Variants in TUBGCP2 observed in about 807,000 individuals in gnomAD.
TUBGCP2 encodes the protein gamma-tubulin complex component 2.
Under a neutral mutation model 92.2 loss-of-function variants are expected in TUBGCP2, and 55 were observed. The ratio of observed to expected loss-of-function variants is 0.60; its 90% confidence interval spans 0.48 to 0.75. The LOEUF is 0.75. TUBGCP2 is among the 30% of genes least tolerant of loss of function. The pLI, the probability that TUBGCP2 is intolerant of heterozygous loss-of-function variation, is 0.00. For missense variants in TUBGCP2, 1,093 were observed against 1,188.9 expected (o/e 0.92, Z 1.19); for synonymous variants, 533 against 505.2 (o/e 1.06, Z -0.74).
Position 133,285,751 on chromosome 10 carries a change from A to G in TUBGCP2, c.1723-123T>C, listed in dbSNP as rs1378157369. ...GTAAGGTTCCCTACATTCCGATTCTAAATATCAGAGGCTTTTCAAAAACCC... is the reference window on the plus strand; with the variant it reads ...GTAAGGTTCCCTACATTCCGATTCTGAATATCAGAGGCTTTTCAAAAACCC... On this transcript the variant is annotated intron_variant, in intron 11 of 17. Transcript: ENST00000252936. This position sits in a 1 kb window ranked among gnomAD's most constrained non-coding sequence, Gnocchi z 6.8. 1 of 956,550 alleles carries G rather than the reference A, an allele frequency of 1.0e-6. No individual in the cohort carries two copies. The allele number at this position is 956,550 out of a possible 1,614,324, so 59.3% of individuals were successfully genotyped here. A position where few individuals can be genotyped will look rare whatever the true frequency, so the allele number is the denominator to read the frequency against.
rs535667840 is a variant in TUBGCP2, at chr10:133,293,829, G to A, written c.617-60C>T. 5.2e-5 allele frequency: 77 copies of A among 1,477,740 alleles called. No homozygotes were observed. The African/African-American group carries it at 6.2e-4, about 12-fold the overall frequency. The allele number at this position is 1,477,740 out of a possible 1,614,324, so 91.5% of individuals were successfully genotyped here. A position where few individuals can be genotyped will look rare whatever the true frequency, so the allele number is the denominator to read the frequency against. On this transcript the variant is annotated intron_variant, in intron 5 of 17. Transcript: ENST00000252936. ...CCCACTCCCATGCCCCCACAGCCAC[G>A]TGCCCTCATCTGCGGGTCAGTCTCA...
chr10:133,307,966 G>A (rs1847866758), intron 1 of TUBGCP2, among the ~76,000 whole-genome samples: 1 of 152,126 alleles, frequency 6.6e-6, no homozygotes, highest in Admixed American at 6.5e-5. Flanking sequence ...AAGTACAGGG[G>A]CAGGCATGGT....
At chr10:133,310,315 G>T, upstream of TUBGCP2, 1 of 1,612,488 alleles carries the variant, frequency 6.2e-7, no homozygotes, top group Non-Finnish European at 8.5e-7. Flanking sequence ...CTCAGCACGT[G>T]TCTGCTTTTG....
At chr10:133,301,282 C>G (rs1284335456) in intron 2 of TUBGCP2, among the ~76,000 whole-genome samples, 1 of 152,176 alleles carries the variant, frequency 6.6e-6, no homozygotes, top group Non-Finnish European at 1.5e-5. Flanking sequence ...CACGCACCAC[C>G]ACGCCCTAAT....
intron 1 of TUBGCP2, 134 bp downstream of exon 1, chr10:133,308,689 G>A: frequency 3.6e-6 from 1 of 279,750 alleles, no homozygotes; most frequent in Middle Eastern, 1.1e-3. Context: ...AGAGTTCGGG[G>A]ACCGCTGCAC....
rs781345336 is a variant in TUBGCP2, at chr10:133,283,186, T to C, written c.2181A>G (p.Thr727=). 4 of 1,614,226 alleles carry C rather than the reference T, an allele frequency of 2.5e-6. No homozygotes were observed. The highest frequency in any genetic ancestry group is 2.2e-5 in the East Asian group (1 of 44,886). The change falls in exon 15 of 18, where the codon ACA becomes ACG. Residue 727 remains threonine, a synonymous_variant. Transcript: ENST00000252936. Reference sequence around the variant, plus strand: ...CCTTCAGGCAGGTGTCCAGGAAGCCTGTGTGGTGGCCAAGGACGTCGTCAA... The same window carrying C: ...CCTTCAGGCAGGTGTCCAGGAAGCCCGTGTGGTGGCCAAGGACGTCGTCAA... ...SNIDDVLGHH[T]GFLDTCLKDC...
rs146010647 is a variant in TUBGCP2, at chr10:133,306,925, G to A, written c.-40+1898C>T. ...CTGCTCTCCCTGAATGTGGGGACCG[G>A]GCCTCCAAGAGGGCAGCCCGTACTC... On this transcript the variant is annotated intron_variant, in intron 1 of 17. Transcript: ENST00000252936. Among the ~76,000 whole-genome samples the A allele has an allele frequency of 3.2e-4, 49 of 152,276 alleles. 1 individual carries two copies. In the East Asian group the frequency reaches 3.3e-3, roughly 10 times the overall value.
upstream of TUBGCP2, chr10:133,311,683 G>T: frequency 6.3e-7 from 1 of 1,583,710 alleles, no homozygotes; most frequent in Non-Finnish European, 8.7e-7. Context: ...TGGGAGCCGT[G>T]CAGGGCAGTT....
chr10:133,283,686 CCG>C (rs1491440728), intron 14 of TUBGCP2, among the ~76,000 whole-genome samples, 194 bp downstream of exon 14: 4 of 6,350 alleles, frequency 6.3e-4, no homozygotes, highest in Admixed American at 3.7e-3. Flanking sequence ...CCTGCCTCTC[CCG>C]CATTCCCTGC....
chr10:133,290,939 C>G (rs1411454514), intron 8 of TUBGCP2: 1 of 155,248 alleles, frequency 6.4e-6, no homozygotes, highest in Non-Finnish European at 1.4e-5. Context: ...ACAACGGTAT[C>G]TTGACGTAAT....
upstream of TUBGCP2, chr10:133,311,857 C>T: frequency 6.2e-7 from 1 of 1,613,322 alleles, no homozygotes; most frequent in Middle Eastern, 1.6e-4. Flanking sequence ...TGTCTGAGCT[C>T]TTTCTGAAAC....
At chr10:133,302,666 T>C in intron 2 of TUBGCP2, 126 bp downstream of exon 2, 2 of 1,223,610 alleles carry the variant, frequency 1.6e-6, no homozygotes, top group Non-Finnish European at 2.3e-6. Flanking sequence ...GTGCTCACCC[T>C]GTACCACCCT....
At chr10:133,305,438 G>C (rs1344891953) in intron 1 of TUBGCP2, among the ~76,000 whole-genome samples, 1 of 152,202 alleles carries the variant, frequency 6.6e-6, no homozygotes. Context: ...AGCGCAGCCA[G>C]GCATTCGGGG....
intron 17 of TUBGCP2, 54 bp from the exon 18 acceptor site, chr10:133,279,955 T>A (rs777248898): frequency 3.8e-6 from 6 of 1,581,980 alleles, no homozygotes; most frequent in Non-Finnish European, 5.1e-6. Flanking sequence ...GGGTGCATGC[T>A]GGGCAGCAGG....
chr10:133,306,616 T>C (rs755688013), intron 1 of TUBGCP2, among the ~76,000 whole-genome samples: 79 of 152,088 alleles, frequency 5.2e-4, no homozygotes, highest in Non-Finnish European at 5.6e-4. Flanking sequence ...TGAAACCCCA[T>C]CTCTACTAAA....
intron 17 of TUBGCP2, 22 bp from the exon 18 acceptor site, chr10:133,279,923 C>G: frequency 5.6e-6 from 9 of 1,606,122 alleles, no homozygotes; most frequent in Non-Finnish European, 7.6e-6. Context: ...GACAGTGGAG[C>G]TGGGGTGCAC....
In TUBGCP2 at chr10:133,281,403, C is replaced by CCAGCTG; in HGVS notation, c.2437_2442dup (p.Gln813_Leu814dup). The CCAGCTG allele has an allele frequency of 6.2e-7, 1 of 1,613,554 alleles. No homozygotes were observed. The highest frequency in any genetic ancestry group is 8.5e-7 in the Non-Finnish European group (1 of 1,180,004). On this transcript the variant is annotated inframe_insertion, in exon 17 of 18. Coordinates refer to ENST00000252936, the MANE Select transcript of TUBGCP2 (RefSeq NM_006659.4). ...TTGATGGTGGCCTCGAAGCCGGACA[C>CCAGCTG]CAGCTGCACAGTGTCTGCGTGCTCA...
chr10:133,309,777 G>A (rs1329020064), upstream of TUBGCP2: 3 of 1,612,702 alleles, frequency 1.9e-6, no homozygotes, highest in South Asian at 2.2e-5. Context: ...CCTTGGCAGG[G>A]TGCCCGCGTT....
At chr10:133,311,184 T>C (rs1451559590), upstream of TUBGCP2, among the ~76,000 whole-genome samples, 4 of 152,232 alleles carry the variant, frequency 2.6e-5, no homozygotes, top group African/African-American at 9.6e-5. Flanking sequence ...ATTTTATTGA[T>C]CAGAGTTTTT....
Sources: gnomAD v4.1 joint callset for allele counts (sites outside exome capture counted in the v4.1 genomes callset) on GRCh38, gnomAD v4.1.1 for gene constraint, Gnocchi (gnomAD v3.1) non-coding constraint, MANE v1.5 for transcripts, NCBI Gene and HGNC (gene_info 2026-07-23, HGNC 2026-07-21) for gene names.